BNC2: variants seen among roughly 807,000 people sequenced by gnomAD.
The protein encoded by BNC2 is zinc finger protein basonuclin-2.
BNC2 carries 20 observed loss-of-function variants against 76.3 expected under a neutral mutation model. The ratio of observed to expected loss-of-function variants is 0.26; its 90% confidence interval spans 0.18 to 0.38. The LOEUF (loss-of-function observed/expected upper bound fraction) is 0.38, where lower values mean the gene tolerates loss of function less well. Ranked by LOEUF, BNC2 falls within the 10% of genes least tolerant of loss-of-function variation. The pLI is 1.00. For synonymous variants in BNC2, 582 were observed against 514.8 expected, an observed-to-expected ratio of 1.13 and a Z score of -1.77; for missense variants, 1,382 against 1,399.8, an observed-to-expected ratio of 0.99 and a Z score of 0.20.
At chr9:16,599,965 C>T (rs1279578094) in intron 3 of BNC2, among the ~76,000 whole-genome samples, 3 of 152,054 alleles carry the variant, frequency 2.0e-5, no homozygotes, top group African/African-American at 4.8e-5. Context: ...TGCTGGTCTA[C>T]GAAGAATGAT....
chr9:16,791,123 A>G (rs6475083), intron 1 of BNC2, among the ~76,000 whole-genome samples: 134,518 of 151,872 alleles, frequency 0.89, 59,725 homozygotes, highest in Non-Finnish European at 0.93. Flanking sequence ...GTGCAGTGGC[A>G]TGATCTCGGC....
At position 16,793,242 on chromosome 9, in the gene BNC2, CTCT is replaced by C. The variant is rs1817560054; in HGVS notation, c.4-54760_4-54758del. On this transcript the variant is annotated intron_variant, in intron 1 of 6. Transcript: ENST00000380672. ...TTCTCAACACTTTACATTCTTTTTT[CTCT>C]TATTATCAATCATAACAATCCAAAG... is the stretch of plus-strand genomic sequence containing the variant. Among the ~76,000 whole-genome samples the C allele has an allele frequency of 2.0e-5, 3 of 152,108 alleles. No homozygotes were observed. The South Asian group carries it at 6.2e-4, about 32-fold the overall frequency.
At chr9:16,538,265 C>T (rs1818188930) in intron 5 of BNC2, among the ~76,000 whole-genome samples, 1 of 152,154 alleles carries the variant, frequency 6.6e-6, no homozygotes, top group Non-Finnish European at 1.5e-5. Flanking sequence ...ACATATATTA[C>T]TTATCAGTCA....
At chr9:16,576,765 G>A (rs1285581633) in intron 4 of BNC2, among the ~76,000 whole-genome samples, 1 of 152,172 alleles carries the variant, frequency 6.6e-6, no homozygotes, top group African/African-American at 2.4e-5. Context: ...TTGAGATGGA[G>A]TCTCGCTCTG....
chr9:16,428,004 T>C (rs1437611451), intron 6 of BNC2, among the ~76,000 whole-genome samples: 1 of 152,180 alleles, frequency 6.6e-6, no homozygotes, highest in African/African-American at 2.4e-5. Flanking sequence ...GGTACTGTCA[T>C]ACAACCATTC....
chr9:16,723,575 GA>G (rs555557412), intron 3 of BNC2, among the ~76,000 whole-genome samples: 7 of 151,204 alleles, frequency 4.6e-5, no homozygotes, highest in African/African-American at 1.7e-4. Flanking sequence ...TATATGAATA[GA>G]AAAAAAAGAT....
chr9:16,767,968 T>A (rs1825740623), intron 1 of BNC2, among the ~76,000 whole-genome samples: 1 of 150,388 alleles, frequency 6.6e-6, no homozygotes, highest in Non-Finnish European at 1.5e-5. Context: ...TTATGCAATT[T>A]TTTTTTTTTT....
In BNC2 at chr9:16,741,957, C is replaced by CAAAAA. The variant is rs35573018; in HGVS notation, c.4-3477_4-3473dup. Reference sequence around the variant, plus strand: ...TGGGTGACAAAGTGAGGCTCCATCTCAAAAAAAAAAAAAAAAAAAAAAGAC... The same window carrying CAAAAA: ...TGGGTGACAAAGTGAGGCTCCATCTCAAAAAAAAAAAAAAAAAAAAAAAAAAAGAC... On this transcript the variant is annotated intron_variant, in intron 1 of 6. Coordinates refer to ENST00000380672, the MANE Select transcript of BNC2 (RefSeq NM_017637.6). 4.8e-4 allele frequency among the ~76,000 whole-genome samples: 38 copies of CAAAAA among 79,338 alleles called. 1 individual carries two copies. Among genetic ancestry groups the CAAAAA allele is most frequent in the African/African-American group, 1.4e-3 (27 of 19,294 alleles). The allele number at this position is 79,338 out of a possible 152,430, so 52.0% of individuals were successfully genotyped here.
chr9:16,633,874 G>T (rs1302427863), intron 3 of BNC2, among the ~76,000 whole-genome samples: 5 of 152,118 alleles, frequency 3.3e-5, no homozygotes, highest in African/African-American at 4.8e-5. Flanking sequence ...ACCCCAACAG[G>T]TAAGTCAGAA....
chr9:16,734,304 T>C (rs1180267286), intron 2 of BNC2, among the ~76,000 whole-genome samples: 2 of 152,222 alleles, frequency 1.3e-5, no homozygotes, highest in Non-Finnish European at 2.9e-5. Context: ...ATTCTATTGC[T>C]TATTCTCTTA....
At chr9:16,685,156 G>C (rs1050918777) in intron 3 of BNC2, among the ~76,000 whole-genome samples, 1 of 152,158 alleles carries the variant, frequency 6.6e-6, no homozygotes, top group African/African-American at 2.4e-5. Context: ...TGCACTAACT[G>C]CTGAATATAT....
intron 3 of BNC2, among the ~76,000 whole-genome samples, chr9:16,656,374 G>A (rs1265681073): frequency 1.3e-5 from 2 of 152,164 alleles, no homozygotes; most frequent in South Asian, 2.1e-4. Context: ...CGATGCACCA[G>A]GAGAACTGAT....
At chr9:16,630,356 T>C (rs959781341) in intron 3 of BNC2, among the ~76,000 whole-genome samples, 2 of 152,198 alleles carry the variant, frequency 1.3e-5, no homozygotes, top group South Asian at 2.1e-4. Context: ...AAAATTATGA[T>C]TAAATTATGA....
intron 1 of BNC2, among the ~76,000 whole-genome samples, chr9:16,776,469 T>G (rs1825971667): frequency 6.6e-6 from 1 of 152,132 alleles, no homozygotes. Flanking sequence ...CAGATTAAAA[T>G]TATTTAAAAT....
intron 5 of BNC2, among the ~76,000 whole-genome samples, chr9:16,535,976 C>T (rs1307296094): frequency 1.3e-5 from 2 of 152,054 alleles, no homozygotes; most frequent in Non-Finnish European, 2.9e-5. Flanking sequence ...CAACCAACAG[C>T]CAGTAACAAC....
intron 5 of BNC2, among the ~76,000 whole-genome samples, chr9:16,471,557 G>A (rs1461427816): frequency 6.6e-6 from 1 of 152,154 alleles, no homozygotes; most frequent in Non-Finnish European, 1.5e-5. Context: ...CACCCAAAGT[G>A]CCAGGATTAC....
chr9:16,735,514 T>G (rs557445317), intron 2 of BNC2, among the ~76,000 whole-genome samples: 1 of 152,288 alleles, frequency 6.6e-6, no homozygotes, highest in Admixed American at 6.5e-5. Context: ...GTTTTTGTTT[T>G]GAGACAGGAT....
intron 1 of BNC2, among the ~76,000 whole-genome samples, chr9:16,861,995 CAAA>C (rs547045231): frequency 8.1e-6 from 1 of 123,432 alleles, no homozygotes. Flanking sequence ...TCTCAAAAGA[CAAA>C]AAAAAAAAAG....
chr9:16,738,530 T>C (rs537082024), intron 1 of BNC2, 45 bp from the exon 2 acceptor site: 3 of 1,600,334 alleles, frequency 1.9e-6, no homozygotes, highest in South Asian at 2.2e-5. Flanking sequence ...CCAGACAGTA[T>C]TACTTAAAAG....
Sources: allele counts gnomAD v4.1 joint callset (sites outside exome capture counted in the v4.1 genomes callset), GRCh38; gene constraint gnomAD v4.1.1; transcripts MANE v1.5; gene names NCBI Gene and HGNC (gene_info 2026-07-23, HGNC 2026-07-21).